Variants in DCLK2 observed in about 807,000 individuals in gnomAD.
The protein encoded by DCLK2 is doublecortin like kinase 2, also known as serine/threonine-protein kinase DCLK2.
Under a neutral mutation model 78.4 loss-of-function variants are expected in DCLK2, and 31 were observed. The ratio of observed to expected loss-of-function variants is 0.40; its 90% CI spans 0.30 to 0.53. The LOEUF (loss-of-function observed/expected upper bound fraction) is 0.53, where lower values mean the gene tolerates loss of function less well. Among genes scored for constraint, DCLK2 ranks in the 20% least tolerant of loss-of-function variants. The probability of loss-of-function intolerance (pLI) is 0.61; values close to 1 mark genes in which losing one functional copy is unlikely to be tolerated. For synonymous variants in DCLK2, 407 were observed against 374.9 expected (o/e 1.09, Z -0.99); for missense variants, 872 against 973.7 (o/e 0.90, Z 1.39).
At chr4:150,249,516 T>G in intron 14 of DCLK2, 52 bp from the exon 15 acceptor site, 1 of 1,536,700 alleles carries the variant, frequency 6.5e-7, no homozygotes, top group South Asian at 1.1e-5. Context: ...AAAAGACAAC[T>G]CAAACGGGAG....
At position 150,219,801 on chromosome 4, in the gene DCLK2, G is replaced by A. The variant is rs1037606926; in HGVS notation, c.1057-902G>A. On this transcript the variant is annotated intron_variant, in intron 5 of 15. Transcript: ENST00000296550. ...AAAGATAAAAGCAAATTGAATTATT[G>A]TAAGTATAAAACGCATCAGAACAAG... 5.9e-5 allele frequency among the ~76,000 whole-genome samples: 9 copies of A among 152,288 alleles called. No homozygotes were observed. In the East Asian group the frequency reaches 1.7e-3, roughly 29 times the overall value.
intron 5 of DCLK2, among the ~76,000 whole-genome samples, chr4:150,211,007 A>G (rs1261594246): frequency 1.3e-5 from 2 of 152,144 alleles, no homozygotes; most frequent in Non-Finnish European, 2.9e-5. Flanking sequence ...AGCTTAAAAC[A>G]AAAGAAGTAG....
At chr4:150,199,188 C>A (rs1456306724) in intron 4 of DCLK2, 1 of 952,044 alleles carries the variant, frequency 1.1e-6, no homozygotes, top group Admixed American at 2.0e-5. Context: ...TGGCTTATTC[C>A]AGTGCACATC....
Position 150,221,766 on chromosome 4 carries a change from G to C in DCLK2, c.1222G>C (p.Val408Leu). 1 of 1,601,088 alleles carries C rather than the reference G, an allele frequency of 6.2e-7. No individual in the cohort carries two copies. Among genetic ancestry groups the C allele is most frequent in the Non-Finnish European group, 8.5e-7 (1 of 1,173,154 alleles). ...KVIGDGNFAVVKECIDRSTGK... is the reference protein window; with the variant it reads ...KVIGDGNFAVLKECIDRSTGK... Reference sequence around the variant, plus strand: ...CATTGGTGATGGCAATTTTGCAGTAGTCAAAGAGTGTATAGACAGGTGAGT... The same window carrying C: ...CATTGGTGATGGCAATTTTGCAGTACTCAAAGAGTGTATAGACAGGTGAGT... The change falls in exon 7 of 16, where the codon GTC becomes CTC. Residue 408 changes from valine to leucine, a missense_variant. Coordinates refer to ENST00000296550, the MANE Select transcript of DCLK2 (RefSeq NM_001040260.4).
chr4:150,175,174 TTATATATATTTATAATTTATC>T (rs1560835496), intron 2 of DCLK2, among the ~76,000 whole-genome samples: 5 of 131,730 alleles, frequency 3.8e-5, no homozygotes, highest in Non-Finnish European at 7.8e-5. Flanking sequence ...TTATATATAT[TTATATATATTTATAATTTATC>T]TATATATATT....
chr4:150,237,930 A>G (rs1372784911), intron 10 of DCLK2, among the ~76,000 whole-genome samples: 1 of 151,968 alleles, frequency 6.6e-6, no homozygotes, highest in Non-Finnish European at 1.5e-5. Context: ...GACATCCAAG[A>G]GACAAATAGA....
At chr4:150,139,085 C>A (rs549279878) in intron 2 of DCLK2, among the ~76,000 whole-genome samples, 6 of 152,098 alleles carry the variant, frequency 3.9e-5, no homozygotes, top group African/African-American at 1.4e-4. Flanking sequence ...GTTGTCCAGG[C>A]TGGTATCAAA....
rs1405589615 is a variant in DCLK2 at position 150,078,932 on chromosome 4, C to T, written c.-96C>T. Reference sequence around the variant, plus strand: ...GATGCCAGAGCCAGGTGTCCCGGCGCGTTAAGGGCCCTCGCAGTCAGACGT... The same window carrying T: ...GATGCCAGAGCCAGGTGTCCCGGCGTGTTAAGGGCCCTCGCAGTCAGACGT... On this transcript the variant is annotated 5_prime_UTR_variant, in exon 1 of 16. Coordinates refer to ENST00000296550, the MANE Select transcript of DCLK2 (RefSeq NM_001040260.4). The T allele has an allele frequency of 7.2e-7, 1 of 1,384,880 alleles. No individual in the cohort carries two copies. Among genetic ancestry groups the T allele is most frequent in the Non-Finnish European group, 9.5e-7 (1 of 1,056,718 alleles). 85.8% of individuals were successfully genotyped at this position (1,384,880 alleles called of 1,614,324 possible).
chr4:150,118,133 T>A (rs1463214855), intron 2 of DCLK2, among the ~76,000 whole-genome samples: 1 of 152,018 alleles, frequency 6.6e-6, no homozygotes, highest in Non-Finnish European at 1.5e-5. Context: ...GCCCCTATGA[T>A]CAGGCTCTGG....
intron 2 of DCLK2, among the ~76,000 whole-genome samples, chr4:150,186,200 A>G (rs1040339835): frequency 9.2e-5 from 14 of 152,160 alleles, no homozygotes; most frequent in African/African-American, 1.2e-4. Context: ...CTTGTTAAGA[A>G]TGATTCTGAG....
chr4:150,205,998 A>G (rs938024573), intron 5 of DCLK2, among the ~76,000 whole-genome samples: 4 of 152,162 alleles, frequency 2.6e-5, no homozygotes, highest in Non-Finnish European at 5.9e-5. Flanking sequence ...TTTGTTACCC[A>G]TTGGTAATCC....
At chr4:150,179,923 C>A (rs930181342) in intron 2 of DCLK2, among the ~76,000 whole-genome samples, 1 of 144,066 alleles carries the variant, frequency 6.9e-6, no homozygotes, top group African/African-American at 2.6e-5. Flanking sequence ...CTTGTACCGA[C>A]CTTATGATAT....
At chr4:150,252,884 G>C (rs1289820385) in intron 15 of DCLK2, among the ~76,000 whole-genome samples, 1 of 152,164 alleles carries the variant, frequency 6.6e-6, no homozygotes, top group East Asian at 1.9e-4. Flanking sequence ...ATCCCATTCA[G>C]TACCTACAGG....
intron 2 of DCLK2, among the ~76,000 whole-genome samples, chr4:150,171,179 A>C (rs986619516): frequency 1.3e-5 from 2 of 152,218 alleles, no homozygotes; most frequent in Non-Finnish European, 2.9e-5. Flanking sequence ...ATACCCACAT[A>C]AAATAGAGAT....
At chr4:150,228,125 T>A (rs1741753672) in intron 8 of DCLK2, among the ~76,000 whole-genome samples, 1 of 152,116 alleles carries the variant, frequency 6.6e-6, no homozygotes, top group Non-Finnish European at 1.5e-5. Context: ...CCTGTGCTTC[T>A]CTAGGAACAT....
chr4:150,256,449 G>A lies in DCLK2; in HGVS notation c.*202G>A. 1.6e-6 allele frequency: 1 copy of A among 640,538 alleles called. No individual in the cohort carries two copies. The highest frequency in any genetic ancestry group is 2.5e-6 in the Non-Finnish European group (1 of 395,930). The allele number at this position is 640,538 out of a possible 1,614,324, so 39.7% of individuals were successfully genotyped here. On this transcript the variant is annotated 3_prime_UTR_variant, in exon 16 of 16. Coordinates refer to ENST00000296550, the MANE Select transcript of DCLK2 (RefSeq NM_001040260.4). ...TCTGGGCTCTGCCTTCTGGTTCCTG[G>A]AGGCATCAAAGGCTGCATCCGTTCT...
At chr4:150,116,483 G>A (rs896417671) in intron 2 of DCLK2, among the ~76,000 whole-genome samples, 12 of 152,284 alleles carry the variant, frequency 7.9e-5, no homozygotes, top group African/African-American at 2.9e-4. Flanking sequence ...CCTTCCCCTA[G>A]AAGTAGGAGT....
chr4:150,119,048 A>ATAATAG (rs1732328608), intron 2 of DCLK2, among the ~76,000 whole-genome samples: 1 of 150,678 alleles, frequency 6.6e-6, no homozygotes, highest in Non-Finnish European at 1.5e-5. Flanking sequence ...TAATAATATA[A>ATAATAG]TAATAATAAT....
At chr4:150,248,432 C>A in intron 14 of DCLK2, 47 bp downstream of exon 14, 1 of 1,487,194 alleles carries the variant, frequency 6.7e-7, no homozygotes, top group Non-Finnish European at 9.4e-7. Flanking sequence ...TGCTCTGTGG[C>A]CAACAGCACG....
Sources: gnomAD v4.1 joint callset for allele counts (sites outside exome capture counted in the v4.1 genomes callset) on GRCh38, gnomAD v4.1.1 for gene constraint, MANE v1.5 for transcripts, NCBI Gene and HGNC (gene_info 2026-07-23, HGNC 2026-07-21) for gene names.